The following IL15 variants were observed in gnomAD, a reference collection of about 807,000 sequenced individuals.
IL15 encodes the protein interleukin 15.
IL15 carries 11 observed loss-of-function variants against 19.6 expected under a neutral mutation model. The observed-to-expected ratio is 0.56, with a 90% confidence interval of 0.35 to 0.93. IL15 has a LOEUF of 0.93. Among genes scored for constraint, IL15 ranks in the 40% least tolerant of loss-of-function variants. IL15 has a pLI of 0.01. For synonymous variants in IL15, 58 were observed against 59.6 expected (o/e 0.97, Z 0.12); for missense variants, 197 against 186.5 (o/e 1.06, Z -0.33).
chr4:141,719,923 T>C (rs982062866), intron 3 of IL15, among the ~76,000 whole-genome samples: 6 of 152,168 alleles, frequency 3.9e-5, no homozygotes, highest in African/African-American at 1.4e-4. Flanking sequence ...ATAAATGATT[T>C]TCCTAAATCA....
At chr4:141,655,589 G>A (rs1464877810) in intron 1 of IL15, among the ~76,000 whole-genome samples, 1 of 151,894 alleles carries the variant, frequency 6.6e-6, no homozygotes, top group East Asian at 1.9e-4. Context: ...GGCATAATAA[G>A]TTGGATTACC....
chr4:141,666,653 C>T (rs1483648401), intron 2 of IL15, among the ~76,000 whole-genome samples: 1 of 151,992 alleles, frequency 6.6e-6, no homozygotes, highest in African/African-American at 2.4e-5. Context: ...CCTTCTGCTT[C>T]CCCCCACTTT....
Position 141,656,234 on chromosome 4 carries a change from C to T in IL15, c.-173C>T, listed in dbSNP as rs545055337. Reference sequence around the variant, plus strand: ...GTGGCTCTTTGGAGCAATGTTCCATCATGTTCCATGCTGCTGACGTCACAT... The same window carrying T: ...GTGGCTCTTTGGAGCAATGTTCCATTATGTTCCATGCTGCTGACGTCACAT... On this transcript the variant is annotated 5_prime_UTR_variant, in exon 2 of 8. Transcript: ENST00000320650. The T allele has an allele frequency of 1.0e-5, 4 of 398,390 alleles. No homozygotes were observed. The highest frequency in any genetic ancestry group is 6.2e-5 in the African/African-American group (3 of 48,714). The allele number at this position is 398,390 out of a possible 1,614,324, so 24.7% of individuals were successfully genotyped here. A position where few individuals can be genotyped will look rare whatever the true frequency, so the allele number is the denominator to read the frequency against.
intron 1 of IL15, among the ~76,000 whole-genome samples, chr4:141,639,809 C>G (rs139667696): frequency 1.9e-4 from 29 of 152,164 alleles, no homozygotes; most frequent in African/African-American, 7.0e-4. Context: ...TGCTTAAATA[C>G]TTGCTGCTGT....
At chr4:141,686,704 A>C (rs551583426) in intron 2 of IL15, among the ~76,000 whole-genome samples, 5 of 152,318 alleles carry the variant, frequency 3.3e-5, no homozygotes, top group African/African-American at 1.2e-4. Flanking sequence ...TCTTTAAGAA[A>C]ATGAATTTCA....
At chr4:141,656,832 A>T (rs578135178) in intron 2 of IL15, among the ~76,000 whole-genome samples, 2 of 152,130 alleles carry the variant, frequency 1.3e-5, no homozygotes, top group Non-Finnish European at 1.5e-5. Flanking sequence ...CTAATTTTTG[A>T]ATGAGTTTAT....
chr4:141,665,389 G>C (rs1010942717), intron 2 of IL15, among the ~76,000 whole-genome samples: 4 of 152,066 alleles, frequency 2.6e-5, no homozygotes, highest in South Asian at 2.1e-4. Flanking sequence ...GATCATGACA[G>C]TGTATTTTAT....
At position 141,680,482 on chromosome 4, in the gene IL15, T is replaced by C. The variant is rs77583972; in HGVS notation, c.-100+24175T>C. 7.0e-3 allele frequency among the ~76,000 whole-genome samples: 1,069 copies of C among 152,314 alleles called. 65 individuals carry two copies. The East Asian group carries it at 0.15, about 21-fold the overall frequency. On this transcript the variant is annotated intron_variant, in intron 2 of 7. Transcript: ENST00000320650. ...TGATGGAAAGCCCTGTTGTAAAGCT[T>C]CCTTCATGGAGATGGCTTTATGTCT...
At chr4:141,641,821 C>A (rs1296200022) in intron 1 of IL15, among the ~76,000 whole-genome samples, 1 of 150,940 alleles carries the variant, frequency 6.6e-6, no homozygotes, top group East Asian at 1.9e-4. Context: ...GCACATGTAC[C>A]CTAGAACTTA....
chr4:141,647,543 G>A (rs777671897), intron 1 of IL15, among the ~76,000 whole-genome samples: 17 of 151,914 alleles, frequency 1.1e-4, no homozygotes, highest in Non-Finnish European at 1.9e-4. Context: ...ACAACTAGAG[G>A]GACTGTCACT....
At chr4:141,679,434 G>A (rs556414769) in intron 2 of IL15, among the ~76,000 whole-genome samples, 1 of 152,278 alleles carries the variant, frequency 6.6e-6, no homozygotes. Flanking sequence ...CATGGGGCTT[G>A]TCATACTTAA....
intron 2 of IL15, among the ~76,000 whole-genome samples, chr4:141,706,900 C>A (rs1398928278): frequency 6.6e-6 from 1 of 152,012 alleles, no homozygotes; most frequent in Non-Finnish European, 1.5e-5. Context: ...TTTTGGGGTT[C>A]AATTTAATTA....
At chr4:141,715,680 C>T (rs1391993272) in intron 2 of IL15, 2 of 152,048 alleles carry the variant, frequency 1.3e-5, no homozygotes, top group Non-Finnish European at 2.9e-5. Context: ...GTCTTATAGT[C>T]TCTATATTCT....
intron 5 of IL15, among the ~76,000 whole-genome samples, chr4:141,723,832 T>G (rs775531813): frequency 7.2e-5 from 11 of 152,024 alleles, no homozygotes; most frequent in Non-Finnish European, 1.5e-4. Context: ...CAACGAAGAC[T>G]CAAAATTTGT....
Position 141,720,529 on chromosome 4 carries a change from T to C in IL15, c.73T>C (p.Phe25Leu). Reference sequence around the variant, plus strand: ...CTTGTGTTTACTTCTAAACAGTCATTTTCTAACTGAAGCTGGCATTCATGT... The same window carrying C: ...CTTGTGTTTACTTCTAAACAGTCATCTTCTAACTGAAGCTGGCATTCATGT... The part of the protein sequence containing the change: ...CYLCLLLNSH[F>L]LTEAGIHVFI... The change falls in exon 4 of 8, where the codon TTT becomes CTT. Residue 25 changes from phenylalanine to leucine, a missense_variant. Physicochemically the swap from Phe to Leu is conservative, Grantham distance 22. Coordinates refer to ENST00000320650, the MANE Select transcript of IL15 (RefSeq NM_000585.5). The C allele has an allele frequency of 3.8e-6, 6 of 1,597,742 alleles. No homozygotes were observed. The highest frequency in any genetic ancestry group is 5.1e-6 in the Non-Finnish European group (6 of 1,165,518).
intron 2 of IL15, among the ~76,000 whole-genome samples, chr4:141,709,932 C>G (rs193068940): frequency 1.2e-3 from 185 of 152,124 alleles, no homozygotes; most frequent in African/African-American, 4.3e-3. Context: ...CCACCCTCCC[C>G]CCACACTAAC....
At chr4:141,703,966 C>A (rs896398900) in intron 2 of IL15, among the ~76,000 whole-genome samples, 5 of 152,022 alleles carry the variant, frequency 3.3e-5, no homozygotes, top group Admixed American at 2.0e-4. Context: ...TTGATGAATT[C>A]TTTAGGGTTT....
chr4:141,690,208 G>T (rs564853424), intron 2 of IL15, among the ~76,000 whole-genome samples: 225 of 152,268 alleles, frequency 1.5e-3, no homozygotes, highest in African/African-American at 5.1e-3. Flanking sequence ...CGCAAGCGCC[G>T]CACGCAGGCC....
intron 2 of IL15, among the ~76,000 whole-genome samples, chr4:141,714,012 T>G (rs1210834669): frequency 6.6e-6 from 1 of 152,064 alleles, no homozygotes; most frequent in Non-Finnish European, 1.5e-5. Flanking sequence ...CATTGATCCT[T>G]CAAAAGGTCA....
Sources: gnomAD v4.1 joint callset for allele counts (sites outside exome capture counted in the v4.1 genomes callset) on GRCh38, gnomAD v4.1.1 for gene constraint, MANE v1.5 for transcripts, NCBI Gene and HGNC (gene_info 2026-07-23, HGNC 2026-07-21) for gene names.